FBXO36: variants seen among roughly 807,000 people sequenced by gnomAD.
The protein encoded by FBXO36 is F-box protein 36.
In FBXO36, 18 loss-of-function variants were observed where a neutral mutation model predicts 17.0. That is an observed-to-expected ratio of 1.06 (90% CI 0.73 to 1.57). The LOEUF is 1.57. Ranked by LOEUF, FBXO36 falls within the 40% of genes most tolerant of loss-of-function variation. The probability of loss-of-function intolerance (pLI) is 0.00; values close to 1 mark genes in which losing one functional copy is unlikely to be tolerated. For synonymous variants in FBXO36, 83 were observed against 85.3 expected, an observed-to-expected ratio of 0.97 and a Z score of 0.15; for missense variants, 229 against 221.9, an observed-to-expected ratio of 1.03 and a Z score of -0.20.
chr2:229,970,727 C>T (rs1002227580), intron 1 of FBXO36, among the ~76,000 whole-genome samples: 1 of 152,134 alleles, frequency 6.6e-6, no homozygotes, highest in Non-Finnish European at 1.5e-5. Context: ...TTTAGGAGAA[C>T]TTTCGTCTGT....
At chr2:230,009,185 G>A (rs755861091) in intron 3 of FBXO36, among the ~76,000 whole-genome samples, 3 of 152,082 alleles carry the variant, frequency 2.0e-5, no homozygotes, top group Non-Finnish European at 2.9e-5. Flanking sequence ...TCAGGACACA[G>A]GGGGGCACAG....
At chr2:229,948,520 A>G (rs865925806) in intron 1 of FBXO36, among the ~76,000 whole-genome samples, 6 of 862 alleles carry the variant, frequency 7.0e-3, no homozygotes, top group Non-Finnish European at 0.028. Flanking sequence ...GCTTTAGAGA[A>G]AAAAAAAAAA....
At chr2:229,944,622 A>G (rs1457369664) in intron 1 of FBXO36, among the ~76,000 whole-genome samples, 5 of 132,068 alleles carry the variant, frequency 3.8e-5, no homozygotes, top group Non-Finnish European at 7.7e-5. Flanking sequence ...AGACGGAGTC[A>G]CGCTCTGTCG....
intron 1 of FBXO36, among the ~76,000 whole-genome samples, chr2:229,926,120 T>G (rs113048756): frequency 1.3e-3 from 183 of 140,842 alleles, no homozygotes; most frequent in African/African-American, 4.9e-3. Flanking sequence ...CAAGACCCCT[T>G]CTCTTAAAAA....
At chr2:229,932,210 T>C (rs1229403441) in intron 1 of FBXO36, among the ~76,000 whole-genome samples, 1 of 151,952 alleles carries the variant, frequency 6.6e-6, no homozygotes, top group Admixed American at 6.6e-5. Flanking sequence ...TGAAACCCCG[T>C]CTCCACTAAA....
chr2:230,003,284 G>T (rs1472049402), intron 3 of FBXO36, among the ~76,000 whole-genome samples: 1 of 145,698 alleles, frequency 6.9e-6, no homozygotes, highest in Non-Finnish European at 1.5e-5. Context: ...TTTAAAAATT[G>T]TTCTTATTTG....
intron 1 of FBXO36, among the ~76,000 whole-genome samples, chr2:229,957,366 C>T (rs1263135507): frequency 1.3e-5 from 2 of 152,260 alleles, no homozygotes; most frequent in Admixed American, 1.3e-4. Flanking sequence ...AGCCTGAGGT[C>T]GGTAGTTTGA....
At chr2:229,997,968 A>G (rs1391486296) in intron 3 of FBXO36, among the ~76,000 whole-genome samples, 2 of 152,014 alleles carry the variant, frequency 1.3e-5, no homozygotes, top group Non-Finnish European at 2.9e-5. Flanking sequence ...TTTCCATTAA[A>G]TCTCTTTTTG....
chr2:229,943,241 C>A (rs7605745), intron 1 of FBXO36: 1 of 152,154 alleles, frequency 6.6e-6, no homozygotes, highest in Non-Finnish European at 1.5e-5. Flanking sequence ...GCCTCCACAG[C>A]CAGCTAGGCA....
At chr2:229,944,536 GA>G (rs1211730173) in intron 1 of FBXO36, among the ~76,000 whole-genome samples, 1 of 150,900 alleles carries the variant, frequency 6.6e-6, no homozygotes, top group East Asian at 1.9e-4. Context: ...TTTAAATTTA[GA>G]AAAGTAAATT....
chr2:229,978,912 C>T (rs936765653), intron 2 of FBXO36, among the ~76,000 whole-genome samples: 1 of 152,144 alleles, frequency 6.6e-6, no homozygotes, highest in African/African-American at 2.4e-5. Context: ...CACAGTGGCT[C>T]ATGCCTGTAA....
At position 230,004,130 on chromosome 2, in the gene FBXO36, C is replaced by A. The variant is rs192692962; in HGVS notation, c.379-6566C>A. Among the ~76,000 whole-genome samples the A allele has an allele frequency of 2.0e-5, 3 of 152,294 alleles. No homozygotes were observed. In the East Asian group the frequency reaches 5.8e-4, roughly 29 times the overall value. On this transcript the variant is annotated intron_variant, in intron 3 of 3. Coordinates refer to ENST00000283946, the MANE Select transcript of FBXO36 (RefSeq NM_174899.5). Reference sequence around the variant, plus strand: ...TCTCTGTGTGCTGTGCTCTACTGTGCCTTTTGCCTTTGCTTAACACTGCTC... The same window carrying A: ...TCTCTGTGTGCTGTGCTCTACTGTGACTTTTGCCTTTGCTTAACACTGCTC...
intron 3 of FBXO36, among the ~76,000 whole-genome samples, chr2:230,003,247 G>A (rs376575648): frequency 6.9e-6 from 1 of 145,470 alleles, no homozygotes; most frequent in African/African-American, 2.5e-5. Flanking sequence ...TTTTTTTTAT[G>A]AAGTGGTGGC....
In FBXO36 at chr2:229,995,592, C is replaced by CTTTTTTTTTTTTT. The variant is rs748422157; in HGVS notation, c.206-1156_206-1155insTTTTTTTTTTTTT. ...TTTCTTTCTTTCTTTCTCTTTCTTT[C>CTTTTTTTTTTTTT]TTTCTTTTTTTTTTTTTTGGACAGA... On this transcript the variant is annotated intron_variant, in intron 2 of 3. Coordinates refer to ENST00000283946, the MANE Select transcript of FBXO36 (RefSeq NM_174899.5). Among the ~76,000 whole-genome samples the CTTTTTTTTTTTTT allele has an allele frequency of 3.5e-5, 4 of 114,552 alleles. 1 individual carries two copies. Among genetic ancestry groups the CTTTTTTTTTTTTT allele is most frequent in the Non-Finnish European group, 7.2e-5 (4 of 55,186 alleles). 75.2% of individuals were successfully genotyped at this position (114,552 alleles called of 152,430 possible). A position where few individuals can be genotyped will look rare whatever the true frequency, so the allele number is the denominator to read the frequency against.
intron 1 of FBXO36, among the ~76,000 whole-genome samples, chr2:229,953,050 G>T (rs1296953448): frequency 1.3e-5 from 2 of 150,764 alleles, no homozygotes; most frequent in Admixed American, 1.3e-4. Context: ...TATTTGAAAA[G>T]AAAACGGCCG....
chr2:229,979,650 C>T (rs34461781), intron 2 of FBXO36, among the ~76,000 whole-genome samples: 35,031 of 151,222 alleles, frequency 0.23, 5,055 homozygotes, highest in Middle Eastern at 0.37. Flanking sequence ...TGTGGTTGTG[C>T]AAGCCTGTAA....
At chr2:230,006,817 C>T (rs1413822330) in intron 3 of FBXO36, among the ~76,000 whole-genome samples, 6 of 152,174 alleles carry the variant, frequency 3.9e-5, no homozygotes, top group Admixed American at 1.3e-4. Context: ...GCCGTAGTAT[C>T]GCTTCTGCCT....
At chr2:230,003,631 C>A (rs1239013179) in intron 3 of FBXO36, among the ~76,000 whole-genome samples, 1 of 151,938 alleles carries the variant, frequency 6.6e-6, no homozygotes, top group Non-Finnish European at 1.5e-5. Flanking sequence ...CTCCCAGGTT[C>A]AACTGATTCT....
intron 1 of FBXO36, among the ~76,000 whole-genome samples, chr2:229,938,790 G>A (rs1458571682): frequency 1.0e-5 from 1 of 97,362 alleles, no homozygotes; most frequent in African/African-American, 4.1e-5. Flanking sequence ...GCAGAGTTTC[G>A]CTCTTTTCGC....
Sources: allele counts gnomAD v4.1 joint callset (sites outside exome capture counted in the v4.1 genomes callset), GRCh38; gene constraint gnomAD v4.1.1; transcripts MANE v1.5; gene names NCBI Gene and HGNC (gene_info 2026-07-23, HGNC 2026-07-21).